KCNIP1: variants seen among roughly 807,000 people sequenced by gnomAD.
KCNIP1 encodes A-type potassium channel modulatory protein KCNIP1.
KCNIP1 carries 18 observed loss-of-function variants against 33.0 expected under a neutral mutation model. The observed-to-expected ratio is 0.55, with a 90% CI of 0.38 to 0.81. KCNIP1 has a LOEUF of 0.81. KCNIP1 is among the 30% of genes least tolerant of loss of function. The probability of loss-of-function intolerance (pLI) is 0.00; values close to 1 mark genes in which losing one functional copy is unlikely to be tolerated. For missense variants in KCNIP1, 238 were observed against 271.6 expected (o/e 0.88, Z 0.87); for synonymous variants, 93 against 98.3 (o/e 0.95, Z 0.32).
At chr5:170,684,791 C>G (rs1762483057) in intron 1 of KCNIP1, among the ~76,000 whole-genome samples, 1 of 152,040 alleles carries the variant, frequency 6.6e-6, no homozygotes, top group Admixed American at 6.6e-5. Context: ...TCTTTTATCT[C>G]TTTCCTCTTT....
At chr5:170,432,424 CTTGA>C (rs1033023399) in intron 1 of KCNIP1, among the ~76,000 whole-genome samples, 2 of 152,168 alleles carry the variant, frequency 1.3e-5, no homozygotes, top group Non-Finnish European at 2.9e-5. Flanking sequence ...AGCAAATCAT[CTTGA>C]TTATTAAAAA....
chr5:170,628,090 C>T (rs1759908119), intron 1 of KCNIP1, among the ~76,000 whole-genome samples: 2 of 152,156 alleles, frequency 1.3e-5, no homozygotes, highest in Admixed American at 1.3e-4. Context: ...AATTCAGAGA[C>T]GAAGTGACAG....
intron 1 of KCNIP1, among the ~76,000 whole-genome samples, chr5:170,626,852 T>C (rs1464871337): frequency 7.1e-6 from 1 of 141,768 alleles, no homozygotes; most frequent in African/African-American, 2.7e-5. Flanking sequence ...TCCCCTCAGC[T>C]TATGAGCCTG....
rs772646653 is a variant in KCNIP1 at position 170,392,724 on chromosome 5, C to T, written c.88+38760C>T. 4.6e-4 allele frequency among the ~76,000 whole-genome samples: 70 copies of T among 152,086 alleles called. 1 individual carries two copies. The highest frequency in any genetic ancestry group is 1.6e-3 in the African/African-American group (66 of 41,404). On this transcript the variant is annotated intron_variant, in intron 1 of 7. Transcript: ENST00000377360. ...TATAATCCCAGCTATTCTGGGAAGC[C>T]GAGGCATGAAAATCACTTGAATCCA...
At chr5:170,650,681 TA>T (rs1456472598) in intron 1 of KCNIP1, among the ~76,000 whole-genome samples, 1 of 152,242 alleles carries the variant, frequency 6.6e-6, no homozygotes, top group Admixed American at 6.5e-5. Context: ...GGCAAATACC[TA>T]GGGGTGGAAT....
chr5:170,518,391 C>T (rs1418024314), intron 1 of KCNIP1, among the ~76,000 whole-genome samples: 2 of 152,202 alleles, frequency 1.3e-5, no homozygotes, highest in Non-Finnish European at 2.9e-5. Context: ...GATTTCTTCT[C>T]TTATTCCTGG....
At chr5:170,652,485 A>T (rs1761080943) in intron 1 of KCNIP1, among the ~76,000 whole-genome samples, 1 of 76,308 alleles carries the variant, frequency 1.3e-5, no homozygotes, top group African/African-American at 9.0e-5. Flanking sequence ...ACCCTATTAA[A>T]AAAAAAAAAA....
chr5:170,495,044 A>G (rs1333209891), intron 1 of KCNIP1, among the ~76,000 whole-genome samples: 3 of 152,228 alleles, frequency 2.0e-5, no homozygotes, highest in Admixed American at 2.0e-4. Context: ...TACTTTGCTT[A>G]CTGCTTCAAT....
chr5:170,653,316 G>C (rs1024633260), intron 1 of KCNIP1, among the ~76,000 whole-genome samples: 7 of 152,160 alleles, frequency 4.6e-5, no homozygotes, highest in African/African-American at 1.4e-4. Flanking sequence ...GCCCAGTGGT[G>C]ATCAGCTCAG....
At chr5:170,531,171 A>G (rs1755774334) in intron 1 of KCNIP1, among the ~76,000 whole-genome samples, 1 of 152,174 alleles carries the variant, frequency 6.6e-6, no homozygotes, top group South Asian at 2.1e-4. Context: ...TCAGTTGAGG[A>G]TGTGGCAGCA....
chr5:170,683,902 G>GTT (rs1762451568), intron 1 of KCNIP1, among the ~76,000 whole-genome samples: 1 of 81,886 alleles, frequency 1.2e-5, no homozygotes, highest in Non-Finnish European at 2.9e-5. Flanking sequence ...GTATGTGTGT[G>GTT]TGTGTGTGTG....
chr5:170,672,864 G>C (rs1011302915), intron 1 of KCNIP1, among the ~76,000 whole-genome samples: 1 of 152,248 alleles, frequency 6.6e-6, no homozygotes, highest in East Asian at 1.9e-4. Context: ...CTAGGCAATA[G>C]GTTTTAGTTG....
chr5:170,394,933 C>T (rs1349067473), intron 1 of KCNIP1, among the ~76,000 whole-genome samples: 1 of 152,204 alleles, frequency 6.6e-6, no homozygotes, highest in Non-Finnish European at 1.5e-5. Flanking sequence ...TGATTTCATC[C>T]TTTGTTATGG....
Position 170,504,435 on chromosome 5 carries a change from C to G in KCNIP1, c.-138C>G. The G allele has an allele frequency of 6.6e-7, 1 of 1,507,422 alleles. No individual in the cohort carries two copies. The highest frequency in any genetic ancestry group is 2.3e-5 in the East Asian group (1 of 43,076). The allele number at this position is 1,507,422 out of a possible 1,614,324, so 93.4% of individuals were successfully genotyped here. On this transcript the variant is annotated 5_prime_UTR_variant, in exon 1 of 8. Transcript: ENST00000328939. This position sits in a 1 kb window ranked among gnomAD's most constrained non-coding sequence, Gnocchi z 6.0. ...CCTCCTAGCCTCGCCTCCACGCTTG[C>G]TGAATACCAAGCTGCAGGCGAGCTG... is the stretch of plus-strand genomic sequence containing the variant.
intron 1 of KCNIP1, among the ~76,000 whole-genome samples, chr5:170,373,488 ACAG>A (rs764802112): frequency 2.6e-5 from 4 of 152,266 alleles, no homozygotes; most frequent in Non-Finnish European, 4.4e-5. Context: ...ATATCTATTA[ACAG>A]TTACCATTTT....
chr5:170,596,942 C>T (rs1285921616), intron 1 of KCNIP1, among the ~76,000 whole-genome samples: 1 of 152,220 alleles, frequency 6.6e-6, no homozygotes, highest in Non-Finnish European at 1.5e-5. Context: ...ACTGGCTGTG[C>T]ACCAGTATTG....
At chr5:170,445,708 G>A (rs146236531) in intron 1 of KCNIP1, among the ~76,000 whole-genome samples, 19 of 152,186 alleles carry the variant, frequency 1.2e-4, no homozygotes, top group Non-Finnish European at 1.8e-4. Context: ...AATTTCATCC[G>A]GCAACAATTA....
At chr5:170,434,382 T>C (rs945928348) in intron 1 of KCNIP1, among the ~76,000 whole-genome samples, 2 of 152,214 alleles carry the variant, frequency 1.3e-5, no homozygotes, top group African/African-American at 4.8e-5. Context: ...ATTGTTAATA[T>C]TATCCTATGG....
chr5:170,357,904 C>T (rs1763390344), intron 1 of KCNIP1, among the ~76,000 whole-genome samples: 1 of 152,238 alleles, frequency 6.6e-6, no homozygotes, highest in Non-Finnish European at 1.5e-5. Context: ...ATCTCCCTCA[C>T]CTGATTCCTT....
Sources: allele counts gnomAD v4.1 joint callset (sites outside exome capture counted in the v4.1 genomes callset), GRCh38; gene constraint gnomAD v4.1.1; non-coding constraint Gnocchi (gnomAD v3.1); transcripts MANE v1.5; gene names NCBI Gene and HGNC (gene_info 2026-07-23, HGNC 2026-07-21).